RAPGEF4: variants seen among roughly 807,000 people sequenced by gnomAD.
The protein encoded by RAPGEF4 is RAP guanine-nucleotide-exchange factor (GEF) 4.
A neutral mutation model predicts 147.9 loss-of-function variants in RAPGEF4; 66 were observed. The observed-to-expected ratio is 0.45, with a 90% CI of 0.37 to 0.55. The LOEUF is 0.55. Ranked by LOEUF, RAPGEF4 falls within the 20% of genes least tolerant of loss-of-function variation. The probability of loss-of-function intolerance (pLI) is 0.00; values close to 1 mark genes in which losing one functional copy is unlikely to be tolerated. For missense variants in RAPGEF4, 1,071 were observed against 1,257.3 expected, an observed-to-expected ratio of 0.85 and a Z score of 2.24; for synonymous variants, 419 against 442.7, an observed-to-expected ratio of 0.95 and a Z score of 0.67.
intron 15 of RAPGEF4, among the ~76,000 whole-genome samples, chr2:172,994,530 G>A (rs1415480488): frequency 6.6e-6 from 1 of 152,220 alleles, no homozygotes; most frequent in Non-Finnish European, 1.5e-5. Flanking sequence ...ACTAGCAGGA[G>A]TAAACAGGAC....
At chr2:172,942,051 C>T (rs546718282) in intron 6 of RAPGEF4, among the ~76,000 whole-genome samples, 93 of 151,480 alleles carry the variant, frequency 6.1e-4, no homozygotes, top group African/African-American at 1.5e-3. Context: ...CAGATATTTA[C>T]GGAGTATGAT....
At chr2:173,047,550 A>G (rs1475001011) in intron 29 of RAPGEF4, among the ~76,000 whole-genome samples, 2 of 152,200 alleles carry the variant, frequency 1.3e-5, no homozygotes, top group Non-Finnish European at 2.9e-5. Flanking sequence ...AATCTTTTAA[A>G]AACATGTTTT....
intron 4 of RAPGEF4, among the ~76,000 whole-genome samples, chr2:172,844,746 A>T (rs1291787730): frequency 6.6e-6 from 1 of 152,230 alleles, no homozygotes; most frequent in East Asian, 1.9e-4. Context: ...TATTTCACAA[A>T]TGGAAACCTA....
chr2:172,968,907 T>A (rs1387985377), intron 10 of RAPGEF4, among the ~76,000 whole-genome samples: 1 of 152,222 alleles, frequency 6.6e-6, no homozygotes, highest in Non-Finnish European at 1.5e-5. Context: ...TCCTGCATAT[T>A]TCCTCATCAT....
At chr2:172,894,985 G>A (rs1259812931) in intron 4 of RAPGEF4, among the ~76,000 whole-genome samples, 1 of 151,884 alleles carries the variant, frequency 6.6e-6, no homozygotes, top group African/African-American at 2.4e-5. Context: ...CCTCTTCAAA[G>A]AATGCCAAGC....
At chr2:172,939,950 A>C (rs1686984924) in intron 6 of RAPGEF4, among the ~76,000 whole-genome samples, 1 of 151,976 alleles carries the variant, frequency 6.6e-6, no homozygotes, top group Non-Finnish European at 1.5e-5. Context: ...ATGTGGGTCT[A>C]TTTTTGGACT....
intron 4 of RAPGEF4, among the ~76,000 whole-genome samples, chr2:172,878,386 T>C (rs1420291782): frequency 2.0e-5 from 3 of 152,226 alleles, no homozygotes; most frequent in Admixed American, 2.0e-4. Flanking sequence ...CCAGAAGGAT[T>C]CTCTGTGACA....
At chr2:172,959,615 T>C (rs550607553) in intron 6 of RAPGEF4, among the ~76,000 whole-genome samples, 2 of 152,294 alleles carry the variant, frequency 1.3e-5, no homozygotes, top group South Asian at 4.1e-4. Context: ...ATAAATGGCA[T>C]TGTATTGGTG....
chr2:172,804,114 A>T (rs1687240410), intron 3 of RAPGEF4, among the ~76,000 whole-genome samples: 1 of 151,716 alleles, frequency 6.6e-6, no homozygotes. Flanking sequence ...ATTTGATGGA[A>T]TTTTTTCTGA....
Position 172,961,186 on chromosome 2 carries a change from C to T in RAPGEF4, c.656C>T (p.Pro219Leu). 6.2e-7 allele frequency: 1 copy of T among 1,612,782 alleles called. No individual in the cohort carries two copies. Among genetic ancestry groups the T allele is most frequent in the Middle Eastern group, 1.7e-4 (1 of 6,058 alleles). Residue 219 changes from proline (P) to leucine (L), a missense_variant, in exon 8 of 31, where the codon CCT (proline) becomes CTT (leucine). By Grantham distance (98) the Pro-to-Leu change is moderately conservative. Coordinates refer to ENST00000397081, the MANE Select transcript of RAPGEF4 (RefSeq NM_007023.4). ...ILRNAILSRA[P>L]HMIRDRKYHL... ...CGAAATGCCATTCTCTCTCGAGCAC[C>T]TCACATGATAAGAGATAGAAAATAC... is the stretch of plus-strand genomic sequence containing the variant.
chr2:172,936,225 G>C (rs148413843), intron 6 of RAPGEF4, among the ~76,000 whole-genome samples: 181 of 152,168 alleles, frequency 1.2e-3, no homozygotes, highest in African/African-American at 4.3e-3. Flanking sequence ...AAAATTAGCC[G>C]GGCATGGCGT....
chr2:173,026,382 G>A (rs188131492), intron 23 of RAPGEF4, among the ~76,000 whole-genome samples, 190 bp from the exon 24 acceptor site: 1 of 152,290 alleles, frequency 6.6e-6, no homozygotes, highest in East Asian at 1.9e-4. Flanking sequence ...TGGTAATGAT[G>A]ATTGGTGACT....
intron 4 of RAPGEF4, among the ~76,000 whole-genome samples, chr2:172,828,493 A>G (rs1443956094): frequency 1.3e-5 from 2 of 152,130 alleles, no homozygotes; most frequent in Non-Finnish European, 2.9e-5. Context: ...GGGTTTTGAC[A>G]TCCTTCAGCT....
intron 6 of RAPGEF4, among the ~76,000 whole-genome samples, chr2:172,932,229 C>T (rs1486190471): frequency 6.6e-6 from 1 of 152,176 alleles, no homozygotes; most frequent in African/African-American, 2.4e-5. Context: ...TTGGAAACCA[C>T]CAAAATAACC....
intron 4 of RAPGEF4, among the ~76,000 whole-genome samples, chr2:172,861,292 A>T (rs1370006393): frequency 1.3e-5 from 2 of 152,362 alleles, no homozygotes; most frequent in South Asian, 4.1e-4. Context: ...GTGTGAGCAT[A>T]CAGCATACAC....
In RAPGEF4 at chr2:172,783,853, C is replaced by A. The variant is rs148252776; in HGVS notation, c.66-11172C>A. The stretch of plus-strand genomic sequence containing the variant: ...GGAGAGGAGTTAGGAGAGCAGATCT[C>A]TAGGGAGAGGGGCCACAGTGATGCA... On this transcript the variant is annotated intron_variant, in intron 1 of 30. Coordinates refer to ENST00000397081, the MANE Select transcript of RAPGEF4 (RefSeq NM_007023.4). 4.3e-3 allele frequency among the ~76,000 whole-genome samples: 647 copies of A among 151,776 alleles called. 4 individuals are homozygous for A. Among genetic ancestry groups the A allele is most frequent in the African/African-American group, 0.014 (597 of 41,364 alleles).
At chr2:172,822,410 A>G (rs1006546748) in intron 4 of RAPGEF4, among the ~76,000 whole-genome samples, 6 of 152,202 alleles carry the variant, frequency 3.9e-5, no homozygotes, top group Non-Finnish European at 7.4e-5. Flanking sequence ...AGGCCCCTGG[A>G]AGGTATTTTG....
chr2:172,953,436 T>C (rs1006028490), intron 6 of RAPGEF4, among the ~76,000 whole-genome samples: 9 of 149,886 alleles, frequency 6.0e-5, no homozygotes, highest in African/African-American at 1.7e-4. Flanking sequence ...ATATGTAATA[T>C]ATAGTCTCAG....
At chr2:172,897,249 C>T (rs1440357565) in intron 4 of RAPGEF4, among the ~76,000 whole-genome samples, 3 of 152,072 alleles carry the variant, frequency 2.0e-5, no homozygotes, top group Non-Finnish European at 2.9e-5. Context: ...GTGCAGCCAC[C>T]ACAACCAGTT....
Sources: allele counts gnomAD v4.1 joint callset (sites outside exome capture counted in the v4.1 genomes callset), GRCh38; gene constraint gnomAD v4.1.1; transcripts MANE v1.5; gene names NCBI Gene and HGNC (gene_info 2026-07-23, HGNC 2026-07-21).